PITPNC1: variants seen among roughly 807,000 people sequenced by gnomAD.
PITPNC1 encodes the protein cytoplasmic phosphatidylinositol transfer protein 1.
A neutral mutation model predicts 44.7 loss-of-function variants in PITPNC1; 18 were observed. The ratio of observed to expected loss-of-function variants is 0.40; its 90% CI spans 0.28 to 0.60. The LOEUF (loss-of-function observed/expected upper bound fraction) is 0.60. Ranked by LOEUF, PITPNC1 falls within the 20% of genes least tolerant of loss-of-function variation. The pLI is 0.39. For synonymous variants in PITPNC1, 141 were observed against 149.6 expected, an observed-to-expected ratio of 0.94 and a Z score of 0.42; for missense variants, 290 against 418.4, an observed-to-expected ratio of 0.69 and a Z score of 2.68.
intron 1 of PITPNC1, among the ~76,000 whole-genome samples, chr17:67,400,455 G>C (rs533410916): frequency 6.6e-6 from 1 of 152,318 alleles, no homozygotes; most frequent in African/African-American, 2.4e-5. Flanking sequence ...TTGCGAAGAA[G>C]TCTGGTGCAA....
rs148982348 is a variant in PITPNC1, at chr17:67,493,463, A to G, written c.49-39339A>G. ...TTTTAATTCTCCTTTCCAGCTTTTA[A>G]GCTCTATGCTCCATAACTTAGGATG... On this transcript the variant is annotated intron_variant, in intron 1 of 8. Coordinates refer to ENST00000581322, the MANE Select transcript of PITPNC1 (RefSeq NM_012417.4). 1.5e-3 allele frequency among the ~76,000 whole-genome samples: 224 copies of G among 152,326 alleles called. 2 individuals carry two copies. The highest frequency in any genetic ancestry group is 4.0e-4 in the Non-Finnish European group (27 of 68,034).
chr17:67,612,714 G>GAT (rs987165536), intron 5 of PITPNC1: 4 of 147,194 alleles, frequency 2.7e-5, no homozygotes, highest in African/African-American at 1.0e-4. Context: ...TGGATGGATG[G>GAT]ATGGATGGAT....
chr17:67,666,522 G>GCCTTGTA (rs1410455609), intron 6 of PITPNC1, among the ~76,000 whole-genome samples: 1 of 152,190 alleles, frequency 6.6e-6, no homozygotes, highest in Non-Finnish European at 1.5e-5. Context: ...AACATCAAAG[G>GCCTTGTA]CCTTGTACCT....
chr17:67,550,426 T>A (rs2040744131), intron 2 of PITPNC1, among the ~76,000 whole-genome samples: 1 of 132,224 alleles, frequency 7.6e-6, no homozygotes, highest in Non-Finnish European at 1.8e-5. Context: ...CTGTCAGAAA[T>A]AAGAGAAACA....
intron 6 of PITPNC1, among the ~76,000 whole-genome samples, chr17:67,654,581 T>A (rs2042243124): frequency 6.6e-6 from 1 of 152,202 alleles, no homozygotes; most frequent in Non-Finnish European, 1.5e-5. Flanking sequence ...CAGGCTGGGC[T>A]GGGGACTTTG....
At chr17:67,418,660 T>C (rs754258132) in intron 1 of PITPNC1, among the ~76,000 whole-genome samples, 4 of 152,002 alleles carry the variant, frequency 2.6e-5, no homozygotes, top group Non-Finnish European at 5.9e-5. Flanking sequence ...TCCTGGGTTC[T>C]AGCTATTCTC....
At chr17:67,432,853 T>G (rs2038876599) in intron 1 of PITPNC1, among the ~76,000 whole-genome samples, 1 of 152,188 alleles carries the variant, frequency 6.6e-6, no homozygotes, top group Non-Finnish European at 1.5e-5. Context: ...TACCACTGTT[T>G]ATTGAGTGAT....
chr17:67,519,052 T>C (rs2040292724), intron 1 of PITPNC1, among the ~76,000 whole-genome samples: 1 of 152,054 alleles, frequency 6.6e-6, no homozygotes, highest in Non-Finnish European at 1.5e-5. Context: ...TGGTGGTTAC[T>C]CAAAAAGTTC....
chr17:67,463,547 A>G (rs1309616322), intron 1 of PITPNC1, among the ~76,000 whole-genome samples: 1 of 152,192 alleles, frequency 6.6e-6, no homozygotes, highest in Admixed American at 6.5e-5. Flanking sequence ...GTCAAAGAGC[A>G]TCGCTGATAT....
At chr17:67,524,109 C>T (rs1255770545) in intron 1 of PITPNC1, among the ~76,000 whole-genome samples, 1 of 152,088 alleles carries the variant, frequency 6.6e-6, no homozygotes, top group Non-Finnish European at 1.5e-5. Context: ...TGCGCCCAGC[C>T]TAAATTTTCT....
At chr17:67,445,334 A>G (rs557892018) in intron 1 of PITPNC1, among the ~76,000 whole-genome samples, 6 of 151,982 alleles carry the variant, frequency 3.9e-5, no homozygotes, top group Non-Finnish European at 8.8e-5. Context: ...GACAGAAATG[A>G]TGGGAAAGGG....
chr17:67,681,588 G>C (rs1184733107), intron 8 of PITPNC1, among the ~76,000 whole-genome samples: 1 of 112,310 alleles, frequency 8.9e-6, no homozygotes, highest in African/African-American at 3.5e-5. Flanking sequence ...CAGCCTAGGT[G>C]ACAGAGCAAA....
In PITPNC1 at chr17:67,662,170, T is replaced by G. The variant is rs1197665185; in HGVS notation, c.463-7338T>G. Among the ~76,000 whole-genome samples, 10 of 152,164 alleles carry G rather than the reference T, an allele frequency of 6.6e-5. No individual in the cohort carries two copies. In the East Asian group the frequency reaches 1.9e-3, roughly 29 times the overall value. On this transcript the variant is annotated intron_variant, in intron 6 of 8. Transcript: ENST00000581322. ...AGCTCACCCATTGAAAGCGTACAAC[T>G]TGGCCGGGTGCGGTAGCGTATGCCT...
intron 4 of PITPNC1, among the ~76,000 whole-genome samples, chr17:67,567,750 G>A (rs543670353): frequency 1.3e-5 from 2 of 152,170 alleles, no homozygotes; most frequent in South Asian, 2.1e-4. Context: ...CGAGGTGGGT[G>A]GATCACGAGG....
At chr17:67,639,782 A>G (rs1463389789) in intron 6 of PITPNC1, among the ~76,000 whole-genome samples, 1 of 152,220 alleles carries the variant, frequency 6.6e-6, no homozygotes, top group African/African-American at 2.4e-5. Flanking sequence ...AGATACATCT[A>G]GCTTTTCCAA....
intron 1 of PITPNC1, among the ~76,000 whole-genome samples, chr17:67,524,101 C>T (rs943399450): frequency 6.6e-6 from 1 of 152,102 alleles, no homozygotes; most frequent in Non-Finnish European, 1.5e-5. Context: ...TGAGCCACTG[C>T]GCCCAGCCTA....
At chr17:67,667,510 T>TAAAAAAAAAAAAAA (rs2042441362) in intron 6 of PITPNC1, among the ~76,000 whole-genome samples, 1 of 67,064 alleles carries the variant, frequency 1.5e-5, no homozygotes, top group Non-Finnish European at 3.7e-5. Flanking sequence ...AAAAAAAAAG[T>TAAAAAAAAAAAAAA]ACTGAAAATT....
At chr17:67,690,553 G>T (rs2042906349) in intron 8 of PITPNC1, among the ~76,000 whole-genome samples, 1 of 151,958 alleles carries the variant, frequency 6.6e-6, no homozygotes, top group Admixed American at 6.6e-5. Flanking sequence ...TTTCCTGCTG[G>T]TTATTCCCTC....
At chr17:67,406,677 C>G (rs957308994) in intron 1 of PITPNC1, among the ~76,000 whole-genome samples, 1 of 151,680 alleles carries the variant, frequency 6.6e-6, no homozygotes. Context: ...GCATCCGCCT[C>G]CCAGGTTCAA....
Sources: gnomAD v4.1 joint callset for allele counts (sites outside exome capture counted in the v4.1 genomes callset) on GRCh38, gnomAD v4.1.1 for gene constraint, MANE v1.5 for transcripts, NCBI Gene and HGNC (gene_info 2026-07-23, HGNC 2026-07-21) for gene names.